Variants in CDH12 observed in about 807,000 individuals in gnomAD.
CDH12 encodes cadherin 12.
In CDH12, 41 loss-of-function variants were observed where a neutral mutation model predicts 74.1. The observed-to-expected ratio is 0.55, with a 90% CI of 0.43 to 0.72. The LOEUF (loss-of-function observed/expected upper bound fraction) is 0.72. CDH12 is among the 30% of genes least tolerant of loss of function. CDH12 has a pLI of 0.00. For synonymous variants in CDH12, 399 were observed against 355.0 expected (o/e 1.12, Z -1.39); for missense variants, 945 against 977.2 (o/e 0.97, Z 0.44).
chr5:22,212,960 G>C, intron 3 of CDH12, among the ~76,000 whole-genome samples: 1 of 152,154 alleles, frequency 6.6e-6, no homozygotes, highest in Non-Finnish European at 1.5e-5. Flanking sequence ...AAGGAGATTA[G>C]CTGCCGTGCT....
chr5:21,872,786 C>CGA (rs1751696381), intron 6 of CDH12, among the ~76,000 whole-genome samples: 22 of 22,478 alleles, frequency 9.8e-4, no homozygotes, highest in East Asian at 4.1e-3. Flanking sequence ...AGAGTAAGAT[C>CGA]TATCTATCTA....
chr5:22,656,160 A>G (rs1740022298), intron 1 of CDH12, among the ~76,000 whole-genome samples: 1 of 151,928 alleles, frequency 6.6e-6, no homozygotes, highest in Non-Finnish European at 1.5e-5. Context: ...ATTTTTTGTG[A>G]TAAGGTGGTT....
intron 4 of CDH12, among the ~76,000 whole-genome samples, chr5:22,185,365 A>AT (rs1749884856): frequency 6.6e-6 from 1 of 151,770 alleles, no homozygotes. Context: ...TGCCTGGCTA[A>AT]TTTTTTTTAT....
chr5:21,791,140 C>T (rs1187835328), intron 10 of CDH12, among the ~76,000 whole-genome samples: 1 of 152,032 alleles, frequency 6.6e-6, no homozygotes, highest in Non-Finnish European at 1.5e-5. Context: ...AGGTCTCAGA[C>T]TACAGGCCTA....
intron 3 of CDH12, among the ~76,000 whole-genome samples, chr5:22,216,650 A>ATT (rs1751813966): frequency 6.6e-6 from 1 of 151,932 alleles, no homozygotes; most frequent in African/African-American, 2.4e-5. Flanking sequence ...TATTATACAT[A>ATT]TTTCTGCTTA....
chr5:21,793,557 T>C (rs1342749025), intron 10 of CDH12, among the ~76,000 whole-genome samples: 1 of 151,756 alleles, frequency 6.6e-6, no homozygotes, highest in Non-Finnish European at 1.5e-5. Flanking sequence ...CCAGTGCCTG[T>C]TATTCCAAGT....
intron 3 of CDH12, among the ~76,000 whole-genome samples, chr5:22,233,875 G>A (rs1752473204): frequency 6.6e-6 from 1 of 152,102 alleles, no homozygotes. Flanking sequence ...CCACCTTGAC[G>A]TGCCACCCAA....
chr5:21,932,345 A>G (rs552464262), intron 6 of CDH12, among the ~76,000 whole-genome samples: 174 of 152,316 alleles, frequency 1.1e-3, no homozygotes, highest in Admixed American at 2.9e-3. Flanking sequence ...ATAAGAATTA[A>G]TTTTCTGGAT....
intron 1 of CDH12, among the ~76,000 whole-genome samples, chr5:22,746,052 T>G (rs1397389051): frequency 6.6e-6 from 1 of 152,210 alleles, no homozygotes; most frequent in Non-Finnish European, 1.5e-5. Flanking sequence ...TAGGTCCATG[T>G]ATGAAATATA....
chr5:22,234,907 T>C (rs1408185292), intron 3 of CDH12, among the ~76,000 whole-genome samples: 2 of 152,136 alleles, frequency 1.3e-5, no homozygotes, highest in East Asian at 3.9e-4. Flanking sequence ...GGACTTTTTT[T>C]TTTACTAAAC....
intron 3 of CDH12, among the ~76,000 whole-genome samples, chr5:22,377,865 G>A (rs1421202688): frequency 1.3e-5 from 2 of 152,066 alleles, no homozygotes; most frequent in African/African-American, 4.8e-5. Context: ...TAATGACAAA[G>A]GTGATTTAAT....
chr5:22,381,493 A>G (rs1439049144), intron 3 of CDH12, among the ~76,000 whole-genome samples: 1 of 151,722 alleles, frequency 6.6e-6, no homozygotes, highest in African/African-American at 2.4e-5. Flanking sequence ...TTTCTGGGAC[A>G]TTTTATTTAT....
chr5:22,648,454 A>G (rs1467420740), intron 1 of CDH12, among the ~76,000 whole-genome samples: 1 of 151,770 alleles, frequency 6.6e-6, no homozygotes, highest in Non-Finnish European at 1.5e-5. Context: ...ACTTCACTCA[A>G]CCCCAATGTC....
At chr5:22,758,924 C>T (rs1746068256) in intron 1 of CDH12, among the ~76,000 whole-genome samples, 1 of 152,138 alleles carries the variant, frequency 6.6e-6, no homozygotes, top group African/African-American at 2.4e-5. Context: ...CATTTCCAAC[C>T]TCATTCCATC....
At chr5:22,335,899 G>A (rs575234346) in intron 3 of CDH12, among the ~76,000 whole-genome samples, 3 of 152,302 alleles carry the variant, frequency 2.0e-5, no homozygotes, top group South Asian at 4.1e-4. Context: ...AACAGGCAGA[G>A]GTTGGAACAG....
In CDH12 at chr5:22,132,898, C is replaced by T. The variant is rs566199488; in HGVS notation, c.-186-54036G>A. Among the ~76,000 whole-genome samples the T allele has an allele frequency of 5.3e-5, 8 of 152,168 alleles. No individual in the cohort carries two copies. The South Asian group carries it at 8.3e-4, about 16-fold the overall frequency. ...GCCACTGCCTCACATTGCCATGCTC[C>T]GTGTTTTGCACAGAGGCTTCAGTTT... On this transcript the variant is annotated intron_variant, in intron 4 of 14. Coordinates refer to ENST00000382254, the MANE Select transcript of CDH12 (RefSeq NM_004061.5).
intron 1 of CDH12, among the ~76,000 whole-genome samples, chr5:22,512,695 T>G (rs1379360864): frequency 6.6e-6 from 1 of 152,150 alleles, no homozygotes; most frequent in Non-Finnish European, 1.5e-5. Flanking sequence ...GGAGGTGAAG[T>G]CTGTACTAAT....
At chr5:22,303,713 A>G (rs1172545322) in intron 3 of CDH12, among the ~76,000 whole-genome samples, 2 of 152,124 alleles carry the variant, frequency 1.3e-5, no homozygotes, top group Non-Finnish European at 2.9e-5. Flanking sequence ...CCAGTTCATG[A>G]CCGATTATCT....
chr5:22,185,893 G>A (rs1749912756), intron 4 of CDH12, among the ~76,000 whole-genome samples: 1 of 152,184 alleles, frequency 6.6e-6, no homozygotes, highest in African/African-American at 2.4e-5. Context: ...TCTGTGATTT[G>A]CATTAAGAAC....
Sources: gnomAD v4.1 joint callset for allele counts (sites outside exome capture counted in the v4.1 genomes callset) on GRCh38, gnomAD v4.1.1 for gene constraint, MANE v1.5 for transcripts, NCBI Gene and HGNC (gene_info 2026-07-23, HGNC 2026-07-21) for gene names.